The following PHACTR1 variants were observed in gnomAD, a reference collection of about 807,000 sequenced individuals.
PHACTR1 encodes phosphatase and actin regulator 1, also known as RPEL repeat containing 1.
A neutral mutation model predicts 69.2 loss-of-function variants in PHACTR1; 16 were observed. The observed-to-expected ratio is 0.23, with a 90% confidence interval of 0.16 to 0.35. The LOEUF (loss-of-function observed/expected upper bound fraction) is 0.35, where lower values mean the gene tolerates loss of function less well. Among genes scored for constraint, PHACTR1 ranks in the 10% least tolerant of loss-of-function variants. The probability of loss-of-function intolerance (pLI) is 1.00; values close to 1 mark genes in which losing one functional copy is unlikely to be tolerated. For missense variants in PHACTR1, 510 were observed against 734.7 expected (o/e 0.69, Z 3.54); for synonymous variants, 312 against 284.5 (o/e 1.10, Z -0.97).
intron 4 of PHACTR1, among the ~76,000 whole-genome samples, chr6:12,950,572 A>G (rs979313398): frequency 6.6e-6 from 1 of 152,194 alleles, no homozygotes; most frequent in African/African-American, 2.4e-5. Context: ...AGGCACACAC[A>G]TGTGGTACTC....
At chr6:12,852,960 T>C (rs9369612) in intron 4 of PHACTR1, among the ~76,000 whole-genome samples, 16,335 of 152,098 alleles carry the variant, frequency 0.11, 988 homozygotes, top group East Asian at 0.18. Flanking sequence ...CAGCACTGGG[T>C]ATAATGCATC....
At chr6:13,165,356 T>G (rs1759638897) in intron 6 of PHACTR1, among the ~76,000 whole-genome samples, 1 of 152,318 alleles carries the variant, frequency 6.6e-6, no homozygotes, top group African/African-American at 2.4e-5. Flanking sequence ...TGAACTTAAT[T>G]TAAACAAACT....
At chr6:13,276,624 T>C (rs892155369) in intron 11 of PHACTR1, among the ~76,000 whole-genome samples, 1 of 151,898 alleles carries the variant, frequency 6.6e-6, no homozygotes, top group African/African-American at 2.4e-5. Context: ...ATACAAAAAT[T>C]AGCTGGGTGT....
chr6:13,066,508 G>A (rs918326411), intron 5 of PHACTR1, among the ~76,000 whole-genome samples: 1 of 152,202 alleles, frequency 6.6e-6, no homozygotes, highest in African/African-American at 2.4e-5. Context: ...AAATGACTGC[G>A]TGTGTTAAAA....
chr6:13,272,026 C>T (rs1342857324), intron 10 of PHACTR1, among the ~76,000 whole-genome samples: 2 of 152,140 alleles, frequency 1.3e-5, no homozygotes, highest in Non-Finnish European at 2.9e-5. Context: ...AGTGGAATGC[C>T]GGATAATTGC....
chr6:13,281,551 C>T (rs767472420), intron 12 of PHACTR1: 25 of 191,358 alleles, frequency 1.3e-4, no homozygotes, highest in African/African-American at 5.5e-4. Flanking sequence ...AGTGAGACTC[C>T]GTCTAAAAAA....
intron 3 of PHACTR1, among the ~76,000 whole-genome samples, chr6:12,742,883 A>G (rs1046214602): frequency 3.9e-5 from 6 of 152,182 alleles, no homozygotes; most frequent in Non-Finnish European, 5.9e-5. Context: ...TAAGTGTTCA[A>G]TTTAAGAAAA....
In PHACTR1 at chr6:13,227,617, T is replaced by C. The variant is rs191966835; in HGVS notation, c.987-199T>C. Among the ~76,000 whole-genome samples the C allele has an allele frequency of 2.0e-4, 30 of 152,284 alleles. No homozygotes were observed. The Middle Eastern group carries it at 0.01, about 52-fold the overall frequency. The stretch of plus-strand genomic sequence containing the variant: ...AACCACTATTCCCATCAGGAAACCG[T>C]GCCATCTTAGCCACTATTCCCATCA... On this transcript the variant is annotated intron_variant, in intron 8 of 14. Transcript: ENST00000332995.
intron 4 of PHACTR1, among the ~76,000 whole-genome samples, chr6:13,001,330 G>T (rs1798073321): frequency 6.6e-6 from 1 of 152,110 alleles, no homozygotes; most frequent in African/African-American, 2.4e-5. Context: ...GAGAAAAATT[G>T]GGAAGAAAAA....
chr6:12,752,695 A>C (rs1233354376), intron 4 of PHACTR1, among the ~76,000 whole-genome samples: 1 of 152,190 alleles, frequency 6.6e-6, no homozygotes, highest in Non-Finnish European at 1.5e-5. Context: ...TTAAACACTT[A>C]AGGATTTTTC....
intron 4 of PHACTR1, among the ~76,000 whole-genome samples, chr6:13,013,746 C>T (rs1799730369): frequency 1.3e-5 from 2 of 149,926 alleles, no homozygotes; most frequent in Admixed American, 6.6e-5. Flanking sequence ...TCGGCGCCCT[C>T]CCCGACCCGC....
At chr6:13,018,141 G>T (rs559000723) in intron 4 of PHACTR1, among the ~76,000 whole-genome samples, 7 of 152,338 alleles carry the variant, frequency 4.6e-5, no homozygotes, top group Non-Finnish European at 1.0e-4. Context: ...TGACTGTAGA[G>T]TTCATCCATT....
chr6:12,889,471 G>A (rs1330688146), intron 4 of PHACTR1, among the ~76,000 whole-genome samples: 3 of 152,234 alleles, frequency 2.0e-5, no homozygotes, highest in Admixed American at 6.5e-5. Context: ...ATTTGGGAAT[G>A]TATAGGCTTG....
chr6:13,031,518 C>A (rs536726597), intron 4 of PHACTR1, among the ~76,000 whole-genome samples: 89 of 152,268 alleles, frequency 5.8e-4, no homozygotes, highest in African/African-American at 2.1e-3. Context: ...AGGGGTGATA[C>A]AATTTTTTGA....
chr6:12,846,521 C>T (rs1189598110), intron 4 of PHACTR1, among the ~76,000 whole-genome samples: 1 of 152,150 alleles, frequency 6.6e-6, no homozygotes, highest in Non-Finnish European at 1.5e-5. Context: ...GTCTAAGATT[C>T]AGAGCTGCAA....
chr6:12,960,634 G>A (rs954982247), intron 4 of PHACTR1, among the ~76,000 whole-genome samples: 9 of 152,154 alleles, frequency 5.9e-5, no homozygotes, highest in Non-Finnish European at 1.3e-4. Flanking sequence ...CCTTGTCTCC[G>A]GACAGCCCCA....
Position 13,283,044 on chromosome 6 carries a change from T to G in PHACTR1, c.1510-378T>G, listed in dbSNP as rs537553325. 6.6e-6 allele frequency among the ~76,000 whole-genome samples: 1 copy of G among 152,314 alleles called. No homozygotes were observed. The highest frequency in any genetic ancestry group is 2.1e-4 in the South Asian group (1 of 4,828). On this transcript the variant is annotated intron_variant, in intron 12 of 14. Transcript: ENST00000332995. The surrounding 1 kb of genome is among the most constrained non-coding windows in gnomAD (Gnocchi z 4.7). The stretch of plus-strand genomic sequence containing the variant: ...GATTTGTTTCAAAGCAATCTACATG[T>G]GGATGTAGTCAAGAGTTGATTATTG...
intron 4 of PHACTR1, among the ~76,000 whole-genome samples, chr6:12,875,326 T>A (rs1286580066): frequency 2.0e-5 from 3 of 152,214 alleles, no homozygotes; most frequent in African/African-American, 7.2e-5. Flanking sequence ...AGGCTGAAAG[T>A]CCCTGCTCTG....
chr6:12,972,920 G>T (rs935599213), intron 4 of PHACTR1, among the ~76,000 whole-genome samples: 14 of 152,128 alleles, frequency 9.2e-5, no homozygotes, highest in Non-Finnish European at 1.9e-4. Flanking sequence ...CAAAGTGTTG[G>T]GATTACAGAC....
Sources: gnomAD v4.1 joint callset for allele counts (sites outside exome capture counted in the v4.1 genomes callset) on GRCh38, gnomAD v4.1.1 for gene constraint, Gnocchi (gnomAD v3.1) non-coding constraint, MANE v1.5 for transcripts, NCBI Gene and HGNC (gene_info 2026-07-23, HGNC 2026-07-21) for gene names.